The following CFAP74 variants were observed in gnomAD, a reference collection of about 807,000 sequenced individuals.
CFAP74 encodes cilia- and flagella-associated protein 74.
A neutral mutation model predicts 188.9 loss-of-function variants in CFAP74; 124 were observed. The ratio of observed to expected loss-of-function variants is 0.66; its 90% CI spans 0.57 to 0.76. The LOEUF (loss-of-function observed/expected upper bound fraction) is 0.76. Among genes scored for constraint, CFAP74 ranks in the 30% least tolerant of loss-of-function variants. CFAP74 has a pLI of 0.00. For missense variants in CFAP74, 2,198 were observed against 2,165.2 expected, an observed-to-expected ratio of 1.02 and a Z score of -0.30; for synonymous variants, 956 against 916.7, an observed-to-expected ratio of 1.04 and a Z score of -0.77.
intron 6 of CFAP74, among the ~76,000 whole-genome samples, chr1:1,983,146 A>G (rs772695873): frequency 4.6e-5 from 7 of 152,162 alleles, no homozygotes; most frequent in African/African-American, 1.4e-4. Context: ...CGGAGGGGGA[A>G]CGCTCCCCTA....
In CFAP74 at chr1:1,966,462, A is replaced by T. The variant is rs765674924; in HGVS notation, c.1310T>A (p.Ile437Asn). ...RLLEVVSSEL[I>N]QGDPGASSEE... ...TGAGCTGGCCCCGGGGTCCCCCTGG[A>T]TAAGCTCACTGGAAACGACTTCCAG... The change falls in exon 12 of 39, where the codon ATC (isoleucine) becomes AAC (asparagine). Residue 437 changes from isoleucine (I) to asparagine (N), a missense_variant. Transcript: ENST00000682832. 1.2e-6 allele frequency: 2 copies of T among 1,606,568 alleles called. No homozygotes were observed. The highest frequency in any genetic ancestry group is 4.5e-5 in the East Asian group (2 of 44,254).
At chr1:1,927,209 C>G (rs1276807441) in intron 28 of CFAP74, 181 bp from the exon 29 acceptor site, 2 of 693,428 alleles carry the variant, frequency 2.9e-6, no homozygotes, top group Non-Finnish European at 4.7e-6. Flanking sequence ...GGTCTCATCA[C>G]TCACTTCAGG....
chr1:1,971,679 C>T (rs1358980876), intron 9 of CFAP74, among the ~76,000 whole-genome samples: 4 of 152,338 alleles, frequency 2.6e-5, no homozygotes, highest in East Asian at 3.9e-4. Context: ...GGCATGGCCT[C>T]GAGGCACCCA....
rs1025157111 is a variant in CFAP74, at chr1:1,975,913, G to A, written c.501-1715C>T. Among the ~76,000 whole-genome samples the A allele has an allele frequency of 4.6e-5, 7 of 152,210 alleles. No individual in the cohort carries two copies. Among genetic ancestry groups the A allele is most frequent in the South Asian group, 4.1e-4 (2 of 4,828 alleles). On this transcript the variant is annotated intron_variant, in intron 6 of 38. Coordinates refer to ENST00000682832, the MANE Select transcript of CFAP74 (RefSeq NM_001304360.2). This position sits in a 1 kb window ranked among gnomAD's most constrained non-coding sequence, Gnocchi z 4.5. Reference sequence around the variant, plus strand: ...AGACGCTGTCCCAGATGCTGTCGTCGCCCATTCCTGCTGCTGTAGGAAAAC... The same window carrying A: ...AGACGCTGTCCCAGATGCTGTCGTCACCCATTCCTGCTGCTGTAGGAAAAC...
chr1:1,946,469 C>G, intron 19 of CFAP74, 30 bp from the exon 20 acceptor site: 2 of 1,510,612 alleles, frequency 1.3e-6, no homozygotes, highest in Non-Finnish European at 1.8e-6. Flanking sequence ...ATGGGGTCTG[C>G]CAGGCTTCAT....
At position 1,955,519 on chromosome 1, in the gene CFAP74, C is replaced by T. The variant is rs773555309; in HGVS notation, c.2176+172G>A. 5.0e-6 allele frequency: 8 copies of T among 1,608,940 alleles called. No homozygotes were observed. The East Asian group carries it at 8.9e-5, about 18-fold the overall frequency. On this transcript the variant is annotated intron_variant, in intron 18 of 38. Transcript: ENST00000682832. ...TGTACATTTTCGTCCACTCCAAAAA[C>T]AACACTTAGTGGCACATAAGAATAT...
chr1:1,956,527 G>C, intron 17 of CFAP74, 93 bp downstream of exon 17: 1 of 1,492,118 alleles, frequency 6.7e-7, no homozygotes, highest in East Asian at 2.3e-5. Flanking sequence ...GCCCACTGTT[G>C]ATACCCTCAT....
At chr1:1,982,384 G>A (rs549680762) in intron 6 of CFAP74, among the ~76,000 whole-genome samples, 1 of 151,346 alleles carries the variant, frequency 6.6e-6, no homozygotes, top group East Asian at 2.0e-4. Context: ...AGTCCCAGCT[G>A]TGGTCACACG....
chr1:1,980,084 G>A (rs1403319190), intron 6 of CFAP74, among the ~76,000 whole-genome samples: 1 of 132,022 alleles, frequency 7.6e-6, no homozygotes, highest in Non-Finnish European at 1.7e-5. Context: ...GGGAGGACGG[G>A]TGAACGAGAG....
intron 2 of CFAP74, among the ~76,000 whole-genome samples, chr1:1,990,615 G>A (rs1657513045): frequency 6.6e-6 from 1 of 152,140 alleles, no homozygotes; most frequent in Non-Finnish European, 1.5e-5. Context: ...ACAAAAATAG[G>A]TCACATTCAA....
chr1:1,982,756 C>A (rs1466485503), intron 6 of CFAP74, among the ~76,000 whole-genome samples: 1 of 152,230 alleles, frequency 6.6e-6, no homozygotes, highest in Non-Finnish European at 1.5e-5. Context: ...GATGGGGCAA[C>A]TACCTGCCCG....
intron 10 of CFAP74, among the ~76,000 whole-genome samples, chr1:1,969,244 TGCCCA>T (rs1183461816): frequency 1.7e-4 from 3 of 17,956 alleles, no homozygotes; most frequent in East Asian, 3.5e-3. Flanking sequence ...AACCCAGCCC[TGCCCA>T]GCCCTGCCCA....
At chr1:1,954,907 G>C (rs201662806) in intron 18 of CFAP74, 2 of 1,154,782 alleles carry the variant, frequency 1.7e-6, no homozygotes, top group East Asian at 6.3e-5. Flanking sequence ...AGTGCAGAAC[G>C]GCCTTCGCAA....
chr1:1,955,516 AAAC>A (rs766816153), intron 18 of CFAP74, 172 bp downstream of exon 18: 6 of 1,608,554 alleles, frequency 3.7e-6, no homozygotes, highest in Admixed American at 1.7e-5. Context: ...TCCACTCCAA[AAAC>A]AACACTTAGT....
At chr1:1,959,810 T>A (rs757950589) in intron 15 of CFAP74, among the ~76,000 whole-genome samples, 154 bp downstream of exon 15, 1 of 152,202 alleles carries the variant, frequency 6.6e-6, no homozygotes, top group Non-Finnish European at 1.5e-5. Flanking sequence ...TGAGTGTATT[T>A]TTGGAAGTAA....
chr1:1,959,070 C>CCCAG, intron 16 of CFAP74, 50 bp downstream of exon 16: 1 of 1,365,848 alleles, frequency 7.3e-7, no homozygotes, highest in Non-Finnish European at 1.0e-6. Context: ...CACTGGGGTT[C>CCCAG]CCAGCCAGCA....
At chr1:1,939,090 G>T in intron 24 of CFAP74, 102 bp from the exon 25 acceptor site, 3 of 1,249,378 alleles carry the variant, frequency 2.4e-6, no homozygotes, top group Non-Finnish European at 3.3e-6. Context: ...GTGTGATCGT[G>T]TGTGAGCGAA....
intron 15 of CFAP74, among the ~76,000 whole-genome samples, 193 bp downstream of exon 15, chr1:1,959,771 G>A (rs898012661): frequency 2.0e-5 from 3 of 152,322 alleles, no homozygotes; most frequent in South Asian, 2.1e-4. Flanking sequence ...GAGCTGCGCC[G>A]CGGTTCTGCC....
chr1:1,972,577 G>A (rs1006324722), intron 8 of CFAP74, among the ~76,000 whole-genome samples: 2 of 152,266 alleles, frequency 1.3e-5, no homozygotes, highest in Admixed American at 1.3e-4. Context: ...TGGGTGCAGT[G>A]GCTCACGCCT....
Sources: gnomAD v4.1 joint callset for allele counts (sites outside exome capture counted in the v4.1 genomes callset) on GRCh38, gnomAD v4.1.1 for gene constraint, Gnocchi (gnomAD v3.1) non-coding constraint, MANE v1.5 for transcripts, NCBI Gene and HGNC (gene_info 2026-07-23, HGNC 2026-07-21) for gene names.